BRD4: variants seen among roughly 807,000 people sequenced by gnomAD.
BRD4 encodes the protein bromodomain-containing protein 4.
In BRD4, 16 loss-of-function variants were observed where a neutral mutation model predicts 142.1. The observed-to-expected ratio is 0.11, with a 90% CI of 0.08 to 0.17. BRD4 has a LOEUF of 0.17. BRD4 is among the 10% of genes least tolerant of loss of function. The pLI is 1.00. For synonymous variants in BRD4, 833 were observed against 707.5 expected (o/e 1.18, Z -2.82); for missense variants, 1,424 against 1,810.9 (o/e 0.79, Z 3.88).
chr19:15,268,899 T>C lies in BRD4; in HGVS notation c.423+6A>G, dbSNP rs754462159. 6.2e-7 allele frequency: 1 copy of C among 1,614,022 alleles called. No homozygotes were observed. Among genetic ancestry groups the C allele is most frequent in the South Asian group, 1.1e-5 (1 of 91,062 alleles). ...GGGCAGCTGGACACCCACCCCTACA[T>C]CTCACCTTGTTGTAGATGTAACAAT... is the stretch of plus-strand genomic sequence containing the variant. On this transcript the variant is annotated splice_donor_region_variant and intron_variant, in intron 3 of 19. Transcript: ENST00000679869.
At chr19:15,256,008 C>CAA in intron 9 of BRD4, 56 bp downstream of exon 9, 1 of 1,599,214 alleles carries the variant, frequency 6.3e-7, no homozygotes, top group African/African-American at 1.4e-5. Flanking sequence ...CACACAGTCT[C>CAA]AGAGCAAGCC....
chr19:15,314,989 A>C (rs1372870229), intron 1 of BRD4, among the ~76,000 whole-genome samples: 2 of 152,210 alleles, frequency 1.3e-5, no homozygotes, highest in East Asian at 1.9e-4. Flanking sequence ...AGGGTGCTAC[A>C]TGACAGGAGT....
rs377096202 is a variant in BRD4 at position 15,308,651 on chromosome 19, T to C, written c.-35+23639A>G. Among the ~76,000 whole-genome samples the C allele has an allele frequency of 2.0e-3, 300 of 150,924 alleles. 4 individuals are homozygous for C. Among genetic ancestry groups the C allele is most frequent in the African/African-American group, 7.2e-3 (295 of 41,152 alleles). ...TGAAGAAAGTGGCAAAAATAAAAAT[T>C]TGTAAGAAAAAAATTGAGGACATAA... is the stretch of plus-strand genomic sequence containing the variant. On this transcript the variant is annotated intron_variant, in intron 1 of 19. Transcript: ENST00000679869.
Position 15,265,058 on chromosome 19 carries a change from C to T in BRD4, c.850-292G>A, listed in dbSNP as rs145757468. Among the ~76,000 whole-genome samples, 328 of 152,372 alleles carry T rather than the reference C, an allele frequency of 2.2e-3. 2 individuals carry two copies. In the Middle Eastern group the frequency reaches 0.044, roughly 21 times the overall value. On this transcript the variant is annotated intron_variant, in intron 5 of 19. Transcript: ENST00000679869. ...TAGTACCTAACACCAGGGCCTCTCC[C>T]CAAGTGCCCAGGGGAGGCACAATTC...
At chr19:15,296,305 G>A (rs1345767227) in intron 1 of BRD4, among the ~76,000 whole-genome samples, 1 of 152,044 alleles carries the variant, frequency 6.6e-6, no homozygotes, top group African/African-American at 2.4e-5. Context: ...GCAAGGCTGC[G>A]AGATACACAA....
At position 15,273,138 on chromosome 19, in the gene BRD4, AAAGG is replaced by A. The variant is rs762529396; in HGVS notation, c.-34-9_-34-6del. The stretch of plus-strand genomic sequence containing the variant: ...TCACATTCTTCACCAGGCACTCTAC[AAAGG>A]AAGAGAAGAGCCCCCGTGAGATATC... On this transcript the variant is annotated splice_polypyrimidine_tract_variant and splice_region_variant and intron_variant, in intron 1 of 19. Transcript: ENST00000679869. The A allele has an allele frequency of 2.0e-5, 31 of 1,545,054 alleles. No homozygotes were observed. Among genetic ancestry groups the A allele is most frequent in the Non-Finnish European group, 2.7e-5 (31 of 1,143,854 alleles).
chr19:15,257,939 G>A (rs942945036), intron 7 of BRD4, among the ~76,000 whole-genome samples: 11 of 152,160 alleles, frequency 7.2e-5, no homozygotes, highest in African/African-American at 2.7e-4. Context: ...GGAGCTCAGG[G>A]AACAGCAGCC....
rs759612692 is a variant in BRD4, at chr19:15,239,287, TGGGTGAGG to T, written c.3577-31_3577-24del. The T allele has an allele frequency of 6.2e-7, 1 of 1,611,974 alleles. No homozygotes were observed. Among genetic ancestry groups the T allele is most frequent in the South Asian group, 1.1e-5 (1 of 91,000 alleles). The stretch of plus-strand genomic sequence containing the variant: ...GTCCTGCAGAACAGAGAGGTTGGGG[TGGGTGAGG>T]GGTCTGCTGTGCCTAAAGGGCATAG... On this transcript the variant is annotated intron_variant, in intron 17 of 19. Coordinates refer to ENST00000679869, the MANE Select transcript of BRD4 (RefSeq NM_001379291.1). The surrounding 1 kb of genome is among the most constrained non-coding windows in gnomAD (Gnocchi z 7.4).
chr19:15,321,280 GAGAA>G (rs997700761), intron 1 of BRD4, among the ~76,000 whole-genome samples: 4 of 150,738 alleles, frequency 2.7e-5, no homozygotes, highest in African/African-American at 9.8e-5. Context: ...AAAAGAAAAA[GAGAA>G]AGAAGGAAGG....
intron 14 of BRD4, 151 bp from the exon 15 acceptor site, chr19:15,240,173 G>A: frequency 7.8e-7 from 1 of 1,280,078 alleles, no homozygotes; most frequent in Non-Finnish European, 1.0e-6. Context: ...GCTCAAAAAG[G>A]GTGAAGACCC....
intron 1 of BRD4, among the ~76,000 whole-genome samples, chr19:15,310,234 AAG>A (rs1187318999): frequency 8.6e-5 from 9 of 104,554 alleles, no homozygotes; most frequent in African/African-American, 2.8e-4. Context: ...TTTTTTTTGA[AAG>A]AGAGTCTCAC....
chr19:15,319,982 A>G (rs1028715155), intron 1 of BRD4, among the ~76,000 whole-genome samples: 4 of 152,186 alleles, frequency 2.6e-5, no homozygotes, highest in African/African-American at 9.7e-5. Context: ...TTTAACCAAC[A>G]TCGTAATAAA....
intron 1 of BRD4, among the ~76,000 whole-genome samples, chr19:15,276,896 G>A (rs969163123): frequency 1.1e-4 from 16 of 152,182 alleles, no homozygotes; most frequent in African/African-American, 3.6e-4. Context: ...CATGGACGGG[G>A]AGAGGGATCT....
At chr19:15,255,930 G>A (rs1568384003) in intron 9 of BRD4, 134 bp downstream of exon 9, 7 of 1,186,812 alleles carry the variant, frequency 5.9e-6, no homozygotes, top group Non-Finnish European at 7.2e-6. Flanking sequence ...CCACCAGCCT[G>A]GCCTGTGAAG....
intron 7 of BRD4, among the ~76,000 whole-genome samples, chr19:15,258,277 G>C (rs978640247): frequency 6.6e-6 from 1 of 151,340 alleles, no homozygotes; most frequent in African/African-American, 2.4e-5. Context: ...TATAACTGTG[G>C]TGTTGATTCC....
chr19:15,273,860 TC>T (rs1231843624), intron 1 of BRD4, among the ~76,000 whole-genome samples: 1 of 148,948 alleles, frequency 6.7e-6, no homozygotes, highest in Non-Finnish European at 1.5e-5. Context: ...ACCTAAGAAC[TC>T]AGTGGAGATA....
At chr19:15,315,274 A>G (rs565793361) in intron 1 of BRD4, among the ~76,000 whole-genome samples, 1 of 152,226 alleles carries the variant, frequency 6.6e-6, no homozygotes, top group African/African-American at 2.4e-5. Context: ...CTGTTAAATG[A>G]ATCACCACCT....
rs200079817 is a variant in BRD4, at chr19:15,244,612, G to A, written c.2212-12C>T. The A allele has an allele frequency of 4.3e-6, 7 of 1,613,184 alleles. No individual in the cohort carries two copies. The Admixed American group carries it at 6.7e-5, about 15-fold the overall frequency. On this transcript the variant is annotated splice_polypyrimidine_tract_variant and intron_variant, in intron 12 of 19. Transcript: ENST00000679869. ...TGGTGATGATGGTGCTGCAGACAGA[G>A]AGACAGACAGACAGACAGGCTGATG...
At chr19:15,256,845 C>T (rs1303616319) in intron 8 of BRD4, 119 bp downstream of exon 8, 1 of 863,412 alleles carries the variant, frequency 1.2e-6, no homozygotes, top group African/African-American at 1.7e-5. Context: ...ACAGGTGGTC[C>T]AGTGGGAATT....
Sources: gnomAD v4.1 joint callset for allele counts (sites outside exome capture counted in the v4.1 genomes callset) on GRCh38, gnomAD v4.1.1 for gene constraint, Gnocchi (gnomAD v3.1) non-coding constraint, MANE v1.5 for transcripts, NCBI Gene and HGNC (gene_info 2026-07-23, HGNC 2026-07-21) for gene names.